Variants in MCM3 observed in about 807,000 individuals in gnomAD.
The protein encoded by MCM3 is minichromosome maintenance complex component 3, also known as DNA replication licensing factor MCM3.
Under a neutral mutation model 91.3 loss-of-function variants are expected in MCM3, and 59 were observed. The ratio of observed to expected loss-of-function variants is 0.65; its 90% CI spans 0.52 to 0.80. The LOEUF (loss-of-function observed/expected upper bound fraction) is 0.80. Among genes scored for constraint, MCM3 ranks in the 30% least tolerant of loss-of-function variants. The probability of loss-of-function intolerance (pLI) is 0.00; values close to 1 mark genes in which losing one functional copy is unlikely to be tolerated. For missense variants in MCM3, 919 were observed against 1,035.4 expected, an observed-to-expected ratio of 0.89 and a Z score of 1.54; for synonymous variants, 383 against 379.6, an observed-to-expected ratio of 1.01 and a Z score of -0.10.
At chr6:52,265,503 T>C (rs1213038643) in intron 16 of MCM3, 1 of 170,892 alleles carries the variant, frequency 5.9e-6, no homozygotes, top group Non-Finnish European at 1.3e-5. Flanking sequence ...ATACAGTTGA[T>C]GGTTGTCCTT....
chr6:52,282,929 CAG>C, intron 2 of MCM3, 68 bp from the exon 3 acceptor site: 2 of 1,105,340 alleles, frequency 1.8e-6, no homozygotes, highest in Non-Finnish European at 2.7e-6. Context: ...CTCAAAACAG[CAG>C]ACATTCTTAG....
Position 52,264,411 on chromosome 6 carries a change from T to C in MCM3, c.*177A>G, listed in dbSNP as rs17246640. The C allele has an allele frequency of 3.2e-6, 2 of 631,618 alleles. No individual in the cohort carries two copies. Among genetic ancestry groups the C allele is most frequent in the Middle Eastern group, 4.3e-4 (1 of 2,302 alleles). 39.1% of individuals were successfully genotyped at this position (631,618 alleles called of 1,614,324 possible). ...TTTCCTCACCCCATGGCAGCTTTCA[T>C]GACCCATTCCCAAAGGGTCCACCGA... On this transcript the variant is annotated 3_prime_UTR_variant, in exon 17 of 17. Coordinates refer to ENST00000596288, the MANE Select transcript of MCM3 (RefSeq NM_002388.6).
chr6:52,277,527 C>T lies in MCM3; in HGVS notation c.1033+8G>A. The T allele has an allele frequency of 6.2e-7, 1 of 1,610,244 alleles. No homozygotes were observed. The highest frequency in any genetic ancestry group is 8.5e-7 in the Non-Finnish European group (1 of 1,178,086). Reference sequence around the variant, plus strand: ...ACAACAGTCTAAAGCAAATCCCCAACATCGTACCTATTAGAAGAATATTGA... The same window carrying T: ...ACAACAGTCTAAAGCAAATCCCCAATATCGTACCTATTAGAAGAATATTGA... On this transcript the variant is annotated splice_region_variant and intron_variant, in intron 7 of 16. Coordinates refer to ENST00000596288, the MANE Select transcript of MCM3 (RefSeq NM_002388.6).
rs1765686137 is a variant in MCM3 at position 52,277,515 on chromosome 6, G to A, written c.1033+20C>T. On this transcript the variant is annotated intron_variant, in intron 7 of 16. Coordinates refer to ENST00000596288, the MANE Select transcript of MCM3 (RefSeq NM_002388.6). The stretch of plus-strand genomic sequence containing the variant: ...CACTCCATCAGAACAACAGTCTAAA[G>A]CAAATCCCCAACATCGTACCTATTA... 6.2e-7 allele frequency: 1 copy of A among 1,603,368 alleles called. No homozygotes were observed. The highest frequency in any genetic ancestry group is 1.1e-5 in the South Asian group (1 of 89,200).
Position 52,273,924 on chromosome 6 carries a change from A to G in MCM3, c.1375-8T>C, listed in dbSNP as rs775838486. 1 of 1,601,998 alleles carries G rather than the reference A, an allele frequency of 6.2e-7. No homozygotes were observed. The highest frequency in any genetic ancestry group is 2.2e-5 in the East Asian group (1 of 44,596). On this transcript the variant is annotated splice_region_variant and splice_polypyrimidine_tract_variant and intron_variant, in intron 9 of 16. Coordinates refer to ENST00000596288, the MANE Select transcript of MCM3 (RefSeq NM_002388.6). ...AGTCTTATACTGGTCATACTGGGGAATGCGAGGACAACAGAAGTGGACATG... is the reference window on the plus strand; with the variant it reads ...AGTCTTATACTGGTCATACTGGGGAGTGCGAGGACAACAGAAGTGGACATG...
chr6:52,267,433 A>G (rs1038471220), intron 14 of MCM3, among the ~76,000 whole-genome samples: 17 of 151,684 alleles, frequency 1.1e-4, no homozygotes, highest in African/African-American at 4.1e-4. Context: ...CCGCAGGTCT[A>G]GGAACACTCT....
chr6:52,283,478 CATAGCCAG>C (rs1766337323), intron 1 of MCM3, 72 bp from the exon 2 acceptor site: 1 of 1,047,818 alleles, frequency 9.5e-7, no homozygotes, highest in African/African-American at 1.6e-5. Context: ...AAGTAGTTCT[CATAGCCAG>C]ATAGCTAAGT....
At chr6:52,267,700 C>T (rs1211458582) in intron 14 of MCM3, among the ~76,000 whole-genome samples, 165 bp downstream of exon 14, 1 of 151,694 alleles carries the variant, frequency 6.6e-6, no homozygotes, top group Non-Finnish European at 1.5e-5. Context: ...GCTAATTTTT[C>T]TATTTTTTGT....
rs1764891072 is a variant in MCM3, at chr6:52,269,157, T to C, written c.1897A>G (p.Met633Val). The change falls in exon 13 of 17, where the codon ATG (methionine) becomes GTG (valine). Residue 633 changes from methionine (M) to valine (V), a missense_variant. Coordinates refer to ENST00000596288, the MANE Select transcript of MCM3 (RefSeq NM_002388.6). ...RLATAHAKAR[M>V]SKTVDLQDAE... ...TCCTGCAGGTCCACAGTCTTGCTCATGCGGGCCTTCGCATGGGCTGTGGCC... is the reference window on the plus strand; with the variant it reads ...TCCTGCAGGTCCACAGTCTTGCTCACGCGGGCCTTCGCATGGGCTGTGGCC... The C allele has an allele frequency of 1.2e-6, 2 of 1,614,082 alleles. No homozygotes were observed. Among genetic ancestry groups the C allele is most frequent in the Non-Finnish European group, 8.5e-7 (1 of 1,179,908 alleles).
At chr6:52,277,754 A>T in intron 6 of MCM3, 66 bp from the exon 7 acceptor site, 1 of 1,492,196 alleles carries the variant, frequency 6.7e-7, no homozygotes, top group Non-Finnish European at 9.2e-7. Flanking sequence ...GCTCCACTTT[A>T]TATACTTTGG....
chr6:52,267,403 G>A (rs917372511), intron 14 of MCM3, among the ~76,000 whole-genome samples: 1 of 151,204 alleles, frequency 6.6e-6, no homozygotes, highest in Non-Finnish European at 1.5e-5. Flanking sequence ...GCCTACCCAG[G>A]TTATCTTCAT....
intron 12 of MCM3, among the ~76,000 whole-genome samples, chr6:52,270,677 C>T (rs1765055978): frequency 6.6e-6 from 1 of 152,182 alleles, no homozygotes; most frequent in Middle Eastern, 3.4e-3. Flanking sequence ...CACACTAAGA[C>T]AATTAAAATA....
At chr6:52,277,038 G>A (rs1047344283) in intron 8 of MCM3, 29 bp downstream of exon 8, 7 of 1,602,666 alleles carry the variant, frequency 4.4e-6, no homozygotes, top group African/African-American at 1.3e-5. Flanking sequence ...TCTCTGCTGG[G>A]CCTTTGCCAA....
chr6:52,280,181 T>C lies in MCM3; in HGVS notation c.532-582A>G, dbSNP rs369489357. 2.0e-5 allele frequency among the ~76,000 whole-genome samples: 3 copies of C among 152,342 alleles called. No homozygotes were observed. In the East Asian group the frequency reaches 5.8e-4, roughly 29 times the overall value. ...TCCATACTGTTAGACATCAGGATAG[T>C]GGTTACCCCTAGGTAACATGAGCCC... On this transcript the variant is annotated intron_variant, in intron 4 of 16. Transcript: ENST00000596288.
At chr6:52,266,193 G>C in intron 15 of MCM3, 49 bp from the exon 16 acceptor site, 1 of 1,399,396 alleles carries the variant, frequency 7.1e-7, no homozygotes. Flanking sequence ...GCAAGGTGAA[G>C]CCATTTCCAC....
intron 2 of MCM3, 91 bp downstream of exon 2, chr6:52,283,203 T>A: frequency 9.6e-7 from 1 of 1,046,384 alleles, no homozygotes; most frequent in South Asian, 1.3e-5. Flanking sequence ...TCCTGTTTCA[T>A]ACAAGTCCTC....
At position 52,267,947 on chromosome 6, in the gene MCM3, G is replaced by A. The variant is rs143308289; in HGVS notation, c.1990C>T (p.Arg664Cys). 72 of 1,610,800 alleles carry A rather than the reference G, an allele frequency of 4.5e-5. No homozygotes were observed. In the African/African-American group the frequency reaches 7.5e-4, roughly 17 times the overall value. The change falls in exon 14 of 17, where the codon CGT becomes TGT. Residue 664 changes from arginine (R) to cysteine (C), a missense_variant. By Grantham distance (180) the Arg-to-Cys change is radical (BLOSUM62 -3). Transcript: ENST00000596288. Reference sequence around the variant, plus strand: ...GATTCATCCTCACTTCGCTTCTTACGTTTCTTCTCCTTCTCCAGAACCTAA... The same window carrying A: ...GATTCATCCTCACTTCGCTTCTTACATTTCTTCTCCTTCTCCAGAACCTAA... ...FKKVLEKEKKRKKRSEDESET... is the reference protein window; with the variant it reads ...FKKVLEKEKKCKKRSEDESET...
At chr6:52,277,268 G>A in intron 7 of MCM3, 70 bp from the exon 8 acceptor site, 1 of 1,539,340 alleles carries the variant, frequency 6.5e-7, no homozygotes. Flanking sequence ...TGCCTTTCTA[G>A]CACAGCTCTT....
intron 13 of MCM3, 132 bp from the exon 14 acceptor site, chr6:52,268,100 T>C: frequency 8.0e-7 from 1 of 1,254,160 alleles, no homozygotes. Flanking sequence ...CTAGCTCCTC[T>C]TGTCCCTAAG....
Sources: gnomAD v4.1 joint callset for allele counts (sites outside exome capture counted in the v4.1 genomes callset) on GRCh38, gnomAD v4.1.1 for gene constraint, MANE v1.5 for transcripts, NCBI Gene and HGNC (gene_info 2026-07-23, HGNC 2026-07-21) for gene names.